Variants in PHYHIPL observed in about 807,000 individuals in gnomAD.
PHYHIPL encodes the protein phytanoyl-CoA hydroxylase-interacting protein-like.
In PHYHIPL, 9 loss-of-function variants were observed where a neutral mutation model predicts 33.4. The ratio of observed to expected loss-of-function variants is 0.27; its 90% CI spans 0.16 to 0.47. The LOEUF is 0.47. PHYHIPL is among the 20% of genes least tolerant of loss of function. The pLI, the probability that PHYHIPL is intolerant of heterozygous loss-of-function variation, is 0.99. For synonymous variants in PHYHIPL, 153 were observed against 154.1 expected (o/e 0.99, Z 0.05); for missense variants, 365 against 460.7 (o/e 0.79, Z 1.90).
At chr10:59,223,189 A>AC (rs1478454341) in intron 1 of PHYHIPL, among the ~76,000 whole-genome samples, 15 of 152,228 alleles carry the variant, frequency 9.9e-5, no homozygotes, top group African/African-American at 3.1e-4. Context: ...AATGCAGTTT[A>AC]CCTTACTGTA....
At chr10:59,238,900 T>C (rs1214983963) in intron 4 of PHYHIPL, 195 bp downstream of exon 4, 3 of 478,390 alleles carry the variant, frequency 6.3e-6, no homozygotes, top group Non-Finnish European at 1.1e-5. Flanking sequence ...CTTAGATTCC[T>C]TTCCATAATC....
intron 1 of PHYHIPL, among the ~76,000 whole-genome samples, chr10:59,221,873 C>T (rs1267998149): frequency 6.6e-6 from 1 of 151,946 alleles, no homozygotes; most frequent in Non-Finnish European, 1.5e-5. Context: ...CATAGTTTGC[C>T]AGAGAGGAAA....
chr10:59,208,310 G>A (rs989591467), intron 1 of PHYHIPL, among the ~76,000 whole-genome samples: 1 of 152,174 alleles, frequency 6.6e-6, no homozygotes, highest in African/African-American at 2.4e-5. Flanking sequence ...CAGCAAACTC[G>A]AGCAGACCTG....
intron 1 of PHYHIPL, among the ~76,000 whole-genome samples, chr10:59,182,126 C>A (rs1838428200): frequency 6.6e-6 from 1 of 152,164 alleles, no homozygotes; most frequent in Non-Finnish European, 1.5e-5. Flanking sequence ...TCACTCATTG[C>A]AGCAAGCATA....
chr10:59,222,284 A>C (rs961817754), intron 1 of PHYHIPL, among the ~76,000 whole-genome samples: 1 of 152,044 alleles, frequency 6.6e-6, no homozygotes, highest in Non-Finnish European at 1.5e-5. Flanking sequence ...TTTATTAATG[A>C]GATTAAAAAA....
intron 1 of PHYHIPL, chr10:59,177,498 G>T: frequency 6.5e-7 from 1 of 1,549,710 alleles, no homozygotes. Context: ...CAGTGAGGGC[G>T]CAGAAAAACA....
At chr10:59,186,805 A>T (rs1379520888) in intron 1 of PHYHIPL, among the ~76,000 whole-genome samples, 1 of 152,304 alleles carries the variant, frequency 6.6e-6, no homozygotes, top group African/African-American at 2.4e-5. Flanking sequence ...ATTTTTGTAC[A>T]TTGATTTTTT....
intron 1 of PHYHIPL, among the ~76,000 whole-genome samples, chr10:59,213,601 G>A (rs1271986617): frequency 6.6e-6 from 1 of 152,098 alleles, no homozygotes; most frequent in Non-Finnish European, 1.5e-5. Flanking sequence ...CAAAACTTTG[G>A]TGATTATAAT....
At chr10:59,176,294 G>A (rs1166167202), upstream of PHYHIPL, among the ~76,000 whole-genome samples, 1 of 152,208 alleles carries the variant, frequency 6.6e-6, no homozygotes, top group South Asian at 2.1e-4. Context: ...AGACGCCTCA[G>A]GGCCAACTCG....
At chr10:59,197,859 C>T (rs1838962994) in intron 1 of PHYHIPL, among the ~76,000 whole-genome samples, 1 of 152,014 alleles carries the variant, frequency 6.6e-6, no homozygotes, top group African/African-American at 2.4e-5. Flanking sequence ...TATTTATATT[C>T]ATTACTTTTT....
At chr10:59,231,354 A>C (rs1564457262) in intron 1 of PHYHIPL, among the ~76,000 whole-genome samples, 2 of 152,112 alleles carry the variant, frequency 1.3e-5, no homozygotes, top group Admixed American at 1.3e-4. Context: ...TAAAAGAGAG[A>C]TACCTAAAAC....
chr10:59,245,688 C>G lies in PHYHIPL; in HGVS notation c.*97C>G. 2 of 1,300,496 alleles carry G rather than the reference C, an allele frequency of 1.5e-6. No homozygotes were observed. Among genetic ancestry groups the G allele is most frequent in the Non-Finnish European group, 2.1e-6 (2 of 952,986 alleles). The allele number at this position is 1,300,496 out of a possible 1,614,324, so 80.6% of individuals were successfully genotyped here. On this transcript the variant is annotated 3_prime_UTR_variant, in exon 5 of 5. Transcript: ENST00000373880. ...TATCACCAGATGTTTTCCACTGAAG[C>G]ATGCACATGCCACTGTCACCAAAAC...
At chr10:59,174,830 C>T (rs1466595039), upstream of PHYHIPL, among the ~76,000 whole-genome samples, 1 of 152,202 alleles carries the variant, frequency 6.6e-6, no homozygotes, top group Non-Finnish European at 1.5e-5. Flanking sequence ...TTTCTTAACA[C>T]CCATCCTACT....
intron 1 of PHYHIPL, among the ~76,000 whole-genome samples, chr10:59,226,665 A>C (rs968918619): frequency 4.6e-5 from 7 of 152,204 alleles, no homozygotes; most frequent in African/African-American, 1.7e-4. Flanking sequence ...ATAAAAATTT[A>C]AAAATTGCTC....
At chr10:59,197,248 T>C (rs1474961324) in intron 1 of PHYHIPL, among the ~76,000 whole-genome samples, 1 of 152,232 alleles carries the variant, frequency 6.6e-6, no homozygotes, top group Non-Finnish European at 1.5e-5. Flanking sequence ...ACTTTATAAC[T>C]GAGTAACAAA....
At position 59,234,480 on chromosome 10, in the gene PHYHIPL, T is replaced by G; in HGVS notation, c.283T>G (p.Ser95Ala). 3.9e-6 allele frequency: 6 copies of G among 1,548,646 alleles called. No homozygotes were observed. Among genetic ancestry groups the G allele is most frequent in the Non-Finnish European group, 5.2e-6 (6 of 1,155,946 alleles). Residue 95 changes from serine (S) to alanine (A), a missense_variant, in exon 2 of 5, where the codon TCC becomes GCC. Ser to Ala is a moderately conservative substitution (Grantham distance 99). Coordinates refer to ENST00000373880, the MANE Select transcript of PHYHIPL (RefSeq NM_032439.4). ...IDLNKKENKN[S>A]NKFKHKDVPT... Reference sequence around the variant, plus strand: ...CCTCAACAAGAAAGAGAACAAGAACTCCAATAAATTTAAACACAAGGTAAA... The same window carrying G: ...CCTCAACAAGAAAGAGAACAAGAACGCCAATAAATTTAAACACAAGGTAAA...
intron 2 of PHYHIPL, 85 bp from the exon 3 acceptor site, chr10:59,236,398 T>A: frequency 4.7e-6 from 3 of 637,918 alleles, no homozygotes; most frequent in Non-Finnish European, 7.0e-6. Context: ...CCTTCCTCCC[T>A]TCTCCCTTTT....
chr10:59,239,261 G>C (rs1840320124), intron 4 of PHYHIPL, among the ~76,000 whole-genome samples: 1 of 151,940 alleles, frequency 6.6e-6, no homozygotes, highest in Admixed American at 6.6e-5. Flanking sequence ...TGGCTGGAGA[G>C]GCCTCACAAT....
intron 1 of PHYHIPL, among the ~76,000 whole-genome samples, chr10:59,207,092 C>A (rs73296152): frequency 0.021 from 3,252 of 152,138 alleles, 133 homozygotes; most frequent in African/African-American, 0.074. Flanking sequence ...AAGTAAGGTA[C>A]CTTAGCTGTA....
Sources: allele counts gnomAD v4.1 joint callset (sites outside exome capture counted in the v4.1 genomes callset), GRCh38; gene constraint gnomAD v4.1.1; transcripts MANE v1.5; gene names NCBI Gene and HGNC (gene_info 2026-07-23, HGNC 2026-07-21).